SPMAP2: variants seen among roughly 807,000 people sequenced by gnomAD.
The protein encoded by SPMAP2 is sperm microtubule associated protein 2.
At chr19:365,933 G>A in the SPMAP2 span, among the ~76,000 whole-genome samples, 4 of 152,146 alleles carry the variant, frequency 2.6e-5, no homozygotes, top group Non-Finnish European at 4.4e-5. Flanking sequence ...ATGAGGTCAG[G>A]AGTTCAAGAC....
chr19:369,592 G>T, the SPMAP2 span, among the ~76,000 whole-genome samples: 1 of 152,132 alleles, frequency 6.6e-6, no homozygotes, highest in South Asian at 2.1e-4. Flanking sequence ...ATGGTGGCCA[G>T]GATGGGTTTC....
chr19:375,832 G>A, the SPMAP2 span: 136 of 1,605,598 alleles, frequency 8.5e-5, 1 homozygote, highest in Admixed American at 5.1e-4. Flanking sequence ...AGGTCCTGGC[G>A]TTCGGGGTCT....
the SPMAP2 span, chr19:372,639 G>A: frequency 6.2e-7 from 1 of 1,614,024 alleles, no homozygotes; most frequent in Non-Finnish European, 8.5e-7. Context: ...ACCTGTTGTT[G>A]TTGTAATATT....
At chr19:364,498 C>T in the SPMAP2 span, among the ~76,000 whole-genome samples, 4 of 151,456 alleles carry the variant, frequency 2.6e-5, no homozygotes, top group African/African-American at 9.7e-5. Flanking sequence ...CTGAGCAACA[C>T]AGCGAGACCC....
the SPMAP2 span, chr19:373,878 C>T: frequency 6.7e-7 from 1 of 1,502,890 alleles, no homozygotes; most frequent in Non-Finnish European, 9.2e-7. Context: ...GTGAAGGGGT[C>T]CCCTGGAACC....
At chr19:372,729 A>G in the SPMAP2 span, 1 of 1,611,990 alleles carries the variant, frequency 6.2e-7, no homozygotes, top group Non-Finnish European at 8.5e-7. Flanking sequence ...GGAGTCAGTG[A>G]ACCCCAGTGT....
chr19:364,756 C>T, the SPMAP2 span, among the ~76,000 whole-genome samples: 1 of 151,812 alleles, frequency 6.6e-6, no homozygotes, highest in African/African-American at 2.4e-5. Context: ...CTCCTGGTAC[C>T]CCCTTCTCAC....
the SPMAP2 span, chr19:375,579 C>A: frequency 7.3e-7 from 1 of 1,379,182 alleles, no homozygotes; most frequent in South Asian, 1.5e-5. Context: ...TTTCGCCCGC[C>A]CAGGGGGCTG....
the SPMAP2 span, among the ~76,000 whole-genome samples, chr19:364,209 T>C: frequency 0.33 from 48,749 of 146,816 alleles, 8,884 homozygotes; most frequent in Middle Eastern, 0.44. Context: ...TGGTGGCGGC[T>C]GCCTGTAGTC....
the SPMAP2 span, among the ~76,000 whole-genome samples, chr19:362,844 G>A: frequency 6.8e-6 from 1 of 146,510 alleles, no homozygotes; most frequent in Non-Finnish European, 1.5e-5. Flanking sequence ...GGATGAAAAT[G>A]TAGTCCACTC....
the SPMAP2 span, among the ~76,000 whole-genome samples, chr19:364,695 G>T: frequency 0.35 from 53,858 of 151,740 alleles, 10,333 homozygotes; most frequent in Middle Eastern, 0.45. Context: ...CCCTGGCTGG[G>T]GTCATGTCTT....
chr19:374,838 C>T, the SPMAP2 span, among the ~76,000 whole-genome samples: 3 of 152,382 alleles, frequency 2.0e-5, no homozygotes, highest in African/African-American at 7.2e-5. Context: ...TCCCAGAAAG[C>T]TCACAGACTG....
chr19:367,830 C>T, the SPMAP2 span, among the ~76,000 whole-genome samples: 1 of 152,150 alleles, frequency 6.6e-6, no homozygotes, highest in South Asian at 2.1e-4. Context: ...CTGACTGCAG[C>T]GCATTCTCAA....
At chr19:369,008 G>T in the SPMAP2 span, among the ~76,000 whole-genome samples, 1 of 152,208 alleles carries the variant, frequency 6.6e-6, no homozygotes, top group African/African-American at 2.4e-5. Context: ...GTGCATGTTG[G>T]TATCACGGAA....
chr19:371,029 C>G, the SPMAP2 span, among the ~76,000 whole-genome samples: 1 of 152,136 alleles, frequency 6.6e-6, no homozygotes, highest in Non-Finnish European at 1.5e-5. Context: ...GAAGGATGAC[C>G]CCTGGGCGGC....
chr19:374,290 T>C, the SPMAP2 span: 16 of 1,613,914 alleles, frequency 9.9e-6, no homozygotes, highest in East Asian at 3.3e-4. Flanking sequence ...TGGTCTGGCG[T>C]GTCCTCACCT....
At chr19:374,565 T>A in the SPMAP2 span, 1 of 1,188,870 alleles carries the variant, frequency 8.4e-7, no homozygotes, top group Non-Finnish European at 1.2e-6. Context: ...GAGGGGTCTC[T>A]GAGGGAGGAC....
chr19:375,657 G>A, the SPMAP2 span: 1 of 1,547,910 alleles, frequency 6.5e-7, no homozygotes, highest in Non-Finnish European at 8.7e-7. Flanking sequence ...GTTCCCCGGT[G>A]CCCACCTGAT....
chr19:364,849 T>A, the SPMAP2 span, among the ~76,000 whole-genome samples: 2 of 152,102 alleles, frequency 1.3e-5, no homozygotes, highest in African/African-American at 4.8e-5. Context: ...CCACCGAGTC[T>A]GGCATAGCAG....
Sources: gnomAD v4.1 joint callset for allele counts (sites outside exome capture counted in the v4.1 genomes callset) on GRCh38, gnomAD v4.1.1 for gene constraint, MANE v1.5 for transcripts, NCBI Gene and HGNC (gene_info 2026-07-23, HGNC 2026-07-21) for gene names.